The following DBN1 variants were observed in gnomAD, a reference collection of about 807,000 sequenced individuals.
The protein encoded by DBN1 is drebrin 1.
A neutral mutation model predicts 83.5 loss-of-function variants in DBN1; 21 were observed. The observed-to-expected ratio is 0.25, with a 90% CI of 0.18 to 0.36. The LOEUF (loss-of-function observed/expected upper bound fraction) is 0.36. DBN1 is among the 10% of genes least tolerant of loss of function. The pLI is 1.00. For missense variants in DBN1, 874 were observed against 935.7 expected (o/e 0.93, Z 0.86); for synonymous variants, 381 against 384.9 (o/e 0.99, Z 0.12).
Position 177,459,680 on chromosome 5 carries a change from G to C in DBN1, c.1016C>G (p.Ser339Cys). The C allele has an allele frequency of 6.3e-7, 1 of 1,593,088 alleles. No individual in the cohort carries two copies. Among genetic ancestry groups the C allele is most frequent in the South Asian group, 1.1e-5 (1 of 87,962 alleles). ...SDSGPSSSSSSSSSPPRTPFP... is the reference protein window; with the variant it reads ...SDSGPSSSSSCSSSPPRTPFP... ...GGGAGTCCGTGGAGGGGAGGAGGAG[G>C]AAGAGGAGGAGGAGGAAGGCCCACT... The change falls in exon 11 of 15, where the codon TCC (serine) becomes TGC (cysteine). Residue 339 changes from serine (S) to cysteine (C), a missense_variant. By Grantham distance (112) the Ser-to-Cys change is moderately radical (BLOSUM62 -1). Transcript: ENST00000393565.
rs551249705 is a variant in DBN1 at position 177,467,172 on chromosome 5, A to G, written c.555+83T>C. On this transcript the variant is annotated intron_variant, in intron 6 of 14. Coordinates refer to ENST00000393565, the MANE Select transcript of DBN1 (RefSeq NM_001363541.2). The surrounding 1 kb of genome is among the most constrained non-coding windows in gnomAD (Gnocchi z 9.1). ...GGGGGCGGGGCACGTGGCATGGGCC[A>G]TGCCACTGCAGTGAGGGACTCAGAC... 1 of 1,604,742 alleles carries G rather than the reference A, an allele frequency of 6.2e-7. No individual in the cohort carries two copies. The highest frequency in any genetic ancestry group is 2.2e-5 in the East Asian group (1 of 44,836).
intron 8 of DBN1, chr5:177,462,339 A>G: frequency 1.0e-6 from 1 of 985,316 alleles, no homozygotes; most frequent in Non-Finnish European, 1.2e-6. Flanking sequence ...TCCCTCCCAA[A>G]TGCCTGCTCC....
chr5:177,463,465 T>C (rs1245996403), intron 8 of DBN1, among the ~76,000 whole-genome samples: 2 of 152,322 alleles, frequency 1.3e-5, no homozygotes, highest in African/African-American at 4.8e-5. Flanking sequence ...CATTTTCAGA[T>C]ACACGGGAGC....
At chr5:177,458,775 CCACT>C (rs1756771271) in intron 12 of DBN1, 68 bp from the exon 13 acceptor site, 9 of 1,370,348 alleles carry the variant, frequency 6.6e-6, no homozygotes, top group African/African-American at 2.9e-5. Context: ...CCCTGCCCAC[CCACT>C]AAGGAGTGAG....
chr5:177,462,630 T>C (rs1039840297), intron 8 of DBN1, among the ~76,000 whole-genome samples: 1 of 152,190 alleles, frequency 6.6e-6, no homozygotes, highest in African/African-American at 2.4e-5. Context: ...CACCAAAGGC[T>C]TCTTAGTCGG....
intron 3 of DBN1, 92 bp downstream of exon 3, chr5:177,468,016 G>A (rs1757583364): frequency 1.4e-6 from 1 of 732,436 alleles, no homozygotes; most frequent in Non-Finnish European, 2.4e-6. Context: ...AGCAGCTCTG[G>A]GCCCTCAGCC....
intron 1 of DBN1, among the ~76,000 whole-genome samples, chr5:177,471,512 G>C (rs1274144585): frequency 6.6e-6 from 1 of 152,044 alleles, no homozygotes; most frequent in Admixed American, 6.5e-5. Context: ...ATTTACCCAA[G>C]ACACCCCTCC....
At position 177,466,635 on chromosome 5, in the gene DBN1, G is replaced by A. The variant is rs1005832805; in HGVS notation, c.771+137C>T. On this transcript the variant is annotated intron_variant, in intron 8 of 14. Coordinates refer to ENST00000393565, the MANE Select transcript of DBN1 (RefSeq NM_001363541.2). This position sits in a 1 kb window ranked among gnomAD's most constrained non-coding sequence, Gnocchi z 4.8. Reference sequence around the variant, plus strand: ...TGAGGTGCCAGGCCTCATGCTCCATGGCACCCTGTGCCCATGCAGCTCCCC... The same window carrying A: ...TGAGGTGCCAGGCCTCATGCTCCATAGCACCCTGTGCCCATGCAGCTCCCC... 2.4e-5 allele frequency: 23 copies of A among 977,488 alleles called. No homozygotes were observed. Among genetic ancestry groups the A allele is most frequent in the Middle Eastern group, 5.5e-4 (2 of 3,632 alleles). The allele number at this position is 977,488 out of a possible 1,614,324, so 60.6% of individuals were successfully genotyped here.
intron 13 of DBN1, 93 bp downstream of exon 13, chr5:177,457,965 G>T (rs776926457): frequency 1.3e-6 from 2 of 1,539,290 alleles, no homozygotes; most frequent in Non-Finnish European, 1.8e-6. Flanking sequence ...CACAGAGAAG[G>T]GGGTACTGGT....
chr5:177,458,390 T>C lies in DBN1; in HGVS notation c.1582A>G (p.Asn528Asp), dbSNP rs1376113045. ...TGGAGTGTGGAGGCCCCTTCCCCGT[T>C]GCCAGGCCATAGGTCAATGAGGCTG... ...ATSLIDLWPG[N>D]GEGASTLQGE... Residue 528 changes from asparagine (N) to aspartate (D), a missense_variant, in exon 13 of 15, where the codon AAC becomes GAC. Coordinates refer to ENST00000393565, the MANE Select transcript of DBN1 (RefSeq NM_001363541.2). 2 of 1,613,938 alleles carry C rather than the reference T, an allele frequency of 1.2e-6. No individual in the cohort carries two copies. The highest frequency in any genetic ancestry group is 2.7e-5 in the African/African-American group (2 of 74,906).
chr5:177,469,844 C>T (rs1222922943), intron 1 of DBN1, among the ~76,000 whole-genome samples: 1 of 152,204 alleles, frequency 6.6e-6, no homozygotes, highest in Non-Finnish European at 1.5e-5. Flanking sequence ...AGGGCCTTGT[C>T]CCTGAAGTTT....
At position 177,466,877 on chromosome 5, in the gene DBN1, G is replaced by C. The variant is rs1561685415; in HGVS notation, c.707+34C>G. 2 of 1,613,576 alleles carry C rather than the reference G, an allele frequency of 1.2e-6. No individual in the cohort carries two copies. The highest frequency in any genetic ancestry group is 2.7e-5 in the African/African-American group (2 of 74,876). Reference sequence around the variant, plus strand: ...CCAGCACCCGTCAGGGTGCGCCCGGGGGCCCCTGGAGCGCTCCGGGCGGGC... The same window carrying C: ...CCAGCACCCGTCAGGGTGCGCCCGGCGGCCCCTGGAGCGCTCCGGGCGGGC... On this transcript the variant is annotated intron_variant, in intron 7 of 14. Transcript: ENST00000393565. The surrounding 1 kb of genome is among the most constrained non-coding windows in gnomAD (Gnocchi z 4.8).
chr5:177,470,827 CCGAGCCTGGTGGTGCACCAGGTGGAAG>C (rs1757792355), intron 1 of DBN1, among the ~76,000 whole-genome samples: 1 of 152,156 alleles, frequency 6.6e-6, no homozygotes, highest in Non-Finnish European at 1.5e-5. Flanking sequence ...CAGAGGCACC[CCGAGCCTGGTGGTGCACCAGGTGGAAG>C]CTGGCGAAAC....
Position 177,458,687 on chromosome 5 carries a change from TG to T in DBN1, c.1284del (p.Ile429SerfsTer2). The T allele has an allele frequency of 6.5e-7, 1 of 1,539,414 alleles. No homozygotes were observed. On this transcript the variant is annotated frameshift_variant, in exon 13 of 15. Coordinates refer to ENST00000393565, the MANE Select transcript of DBN1 (RefSeq NM_001363541.2). LOFTEE classifies it high-confidence loss of function. ...PPAQETQEPS[P>X]ILDSEETRAA... ...GCTCTGGTCTCCTCACTGTCTAGGA[TG>T]GGGCTGGGCTCCTGGGTCTCTGTCA...
At position 177,466,667 on chromosome 5, in the gene DBN1, G is replaced by C; in HGVS notation, c.771+105C>G. The C allele has an allele frequency of 1.5e-6, 2 of 1,329,384 alleles. No homozygotes were observed. Among genetic ancestry groups the C allele is most frequent in the Non-Finnish European group, 2.2e-6 (2 of 921,862 alleles). The allele number at this position is 1,329,384 out of a possible 1,614,324, so 82.3% of individuals were successfully genotyped here. A position where few individuals can be genotyped will look rare whatever the true frequency, so the allele number is the denominator to read the frequency against. On this transcript the variant is annotated intron_variant, in intron 8 of 14. Transcript: ENST00000393565. This position sits in a 1 kb window ranked among gnomAD's most constrained non-coding sequence, Gnocchi z 4.8. ...TGTGCCCATGCAGCTCCCCAGAACA[G>C]CCACCACTGTCCCTGAGCCACTGAT...
chr5:177,461,947 A>C (rs1001452749), intron 8 of DBN1, among the ~76,000 whole-genome samples: 5 of 152,198 alleles, frequency 3.3e-5, no homozygotes, highest in African/African-American at 1.2e-4. Context: ...TTTCATACTG[A>C]GATGAGGGTC....
At chr5:177,470,688 A>G (rs766843301) in intron 1 of DBN1, among the ~76,000 whole-genome samples, 46 of 152,056 alleles carry the variant, frequency 3.0e-4, no homozygotes, top group Non-Finnish European at 7.4e-5. Context: ...CCCCACGCCT[A>G]TTCCCAGTGG....
In DBN1 at chr5:177,457,762, AG is replaced by A; in HGVS notation, c.1915-6del. 6.3e-7 allele frequency: 1 copy of A among 1,590,232 alleles called. No individual in the cohort carries two copies. On this transcript the variant is annotated splice_polypyrimidine_tract_variant and splice_region_variant and intron_variant, in intron 13 of 14. Coordinates refer to ENST00000393565, the MANE Select transcript of DBN1 (RefSeq NM_001363541.2). Reference sequence around the variant, plus strand: ...ACTGAAGTACCCCTCACTGGCCTGCAGGGGAAAGCATCAGGTCACTTGGCCC... The same window carrying A: ...ACTGAAGTACCCCTCACTGGCCTGCAGGGAAAGCATCAGGTCACTTGGCCC...
At chr5:177,471,206 C>T (rs1248365109) in intron 1 of DBN1, among the ~76,000 whole-genome samples, 1 of 151,972 alleles carries the variant, frequency 6.6e-6, no homozygotes, top group East Asian at 1.9e-4. Flanking sequence ...GCAGGTGGAC[C>T]CCGCAGGACC....
Sources: gnomAD v4.1 joint callset for allele counts (sites outside exome capture counted in the v4.1 genomes callset) on GRCh38, gnomAD v4.1.1 for gene constraint, Gnocchi (gnomAD v3.1) non-coding constraint, MANE v1.5 for transcripts, NCBI Gene and HGNC (gene_info 2026-07-23, HGNC 2026-07-21) for gene names.